CD6: variants seen among roughly 807,000 people sequenced by gnomAD.
CD6 encodes the protein CD6 molecule.
CD6 carries 53 observed loss-of-function variants against 75.3 expected under a neutral mutation model. That is an observed-to-expected ratio of 0.70 (90% CI 0.56 to 0.88). The LOEUF is 0.88. Ranked by LOEUF, CD6 falls within the 40% of genes least tolerant of loss-of-function variation. The pLI, the probability that CD6 is intolerant of heterozygous loss-of-function variation, is 0.00. For synonymous variants in CD6, 359 were observed against 381.5 expected (o/e 0.94, Z 0.69); for missense variants, 770 against 897.1 (o/e 0.86, Z 1.81).
chr11:60,979,300 A>T (rs1253101981), intron 1 of CD6, among the ~76,000 whole-genome samples: 1 of 152,178 alleles, frequency 6.6e-6, no homozygotes, highest in Non-Finnish European at 1.5e-5. Context: ...TCTTAGCAAC[A>T]GATGGGGTCA....
In CD6 at chr11:61,019,236, G is replaced by T; in HGVS notation, c.1943-18G>T. 1.2e-6 allele frequency: 2 copies of T among 1,606,544 alleles called. No individual in the cohort carries two copies. Among genetic ancestry groups the T allele is most frequent in the Non-Finnish European group, 1.7e-6 (2 of 1,176,084 alleles). On this transcript the variant is annotated intron_variant, in intron 12 of 12. Coordinates refer to ENST00000313421, the MANE Select transcript of CD6 (RefSeq NM_006725.5). ...CAATGACTGGGTCTCCCACTAATCT[G>T]GGCCTCTCTGCCCACAGGGTCCCCC...
intron 12 of CD6, chr11:61,019,001 T>G: frequency 2.4e-6 from 1 of 420,932 alleles, no homozygotes; most frequent in South Asian, 7.9e-5. Context: ...GCAGAGGGGC[T>G]TCCAACATTC....
chr11:60,980,822 A>G (rs1857532858), intron 1 of CD6, among the ~76,000 whole-genome samples: 1 of 152,166 alleles, frequency 6.6e-6, no homozygotes, highest in Non-Finnish European at 1.5e-5. Context: ...CCTATGCAAC[A>G]GAGTGAGACT....
intron 8 of CD6, among the ~76,000 whole-genome samples, chr11:61,014,734 CAAA>C (rs553540779): frequency 1.9e-5 from 2 of 104,656 alleles, no homozygotes; most frequent in African/African-American, 3.6e-5. Context: ...GACTCTGTCT[CAAA>C]AAAAAAAAAA....
chr11:60,980,658 G>A (rs1433723879), intron 1 of CD6, among the ~76,000 whole-genome samples: 1 of 152,200 alleles, frequency 6.6e-6, no homozygotes, highest in Non-Finnish European at 1.5e-5. Flanking sequence ...GCGAAACCCC[G>A]TCCCTAGTAA....
intron 6 of CD6, among the ~76,000 whole-genome samples, chr11:61,012,572 A>G (rs1194602429): frequency 6.6e-6 from 1 of 152,154 alleles, no homozygotes; most frequent in East Asian, 1.9e-4. Context: ...GCCCCCAGCA[A>G]AGAGGTCTGG....
At chr11:61,008,269 C>T in intron 3 of CD6, 1 of 503,524 alleles carries the variant, frequency 2.0e-6, no homozygotes, top group Non-Finnish European at 3.5e-6. Context: ...ATGCCAGGTT[C>T]ACAGGGTCCC....
At chr11:60,973,976 T>C (rs554752974) in intron 1 of CD6, among the ~76,000 whole-genome samples, 5 of 152,146 alleles carry the variant, frequency 3.3e-5, no homozygotes, top group African/African-American at 1.2e-4. Context: ...TCTTCCTCTG[T>C]GTCCAGCTCA....
Position 61,007,909 on chromosome 11 carries a change from A to G in CD6, c.468A>G (p.Ala156=). The change falls in exon 3 of 13, where the codon GCA becomes GCG. Residue 156 remains alanine (A), a splice_region_variant and synonymous_variant. Coordinates refer to ENST00000313421, the MANE Select transcript of CD6 (RefSeq NM_006725.5). This position sits in a 1 kb window ranked among gnomAD's most constrained non-coding sequence, Gnocchi z 4.2. ...SDGRRARVTC[A]ENRALRLVDG... ...GGAGGCGGGCCCGTGTCACCTGTGC[A>G]GGTACGAGCGCACCCCCTACACGGG... The G allele has an allele frequency of 7.5e-7, 1 of 1,340,252 alleles. No individual in the cohort carries two copies. The highest frequency in any genetic ancestry group is 9.5e-7 in the Non-Finnish European group (1 of 1,048,994). The allele number at this position is 1,340,252 out of a possible 1,614,324, so 83.0% of individuals were successfully genotyped here. A position where few individuals can be genotyped will look rare whatever the true frequency, so the allele number is the denominator to read the frequency against.
intron 1 of CD6, among the ~76,000 whole-genome samples, chr11:60,974,587 G>A (rs760436828): frequency 1.3e-5 from 2 of 152,174 alleles, no homozygotes; most frequent in Non-Finnish European, 2.9e-5. Context: ...CCTATCTCCT[G>A]GGCCTCTGCC....
In CD6 at chr11:61,006,838, A is replaced by G. The variant is rs74980262; in HGVS notation, c.118+196A>G. 5.9e-5 allele frequency among the ~76,000 whole-genome samples: 9 copies of G among 152,234 alleles called. No homozygotes were observed. In the East Asian group the frequency reaches 1.4e-3, roughly 23 times the overall value. On this transcript the variant is annotated intron_variant, in intron 2 of 12. Transcript: ENST00000313421. Reference sequence around the variant, plus strand: ...GTAGAACTACCATTTTTGAGAGGACACTGATAAGTCACATACAGGTGGGCA... The same window carrying G: ...GTAGAACTACCATTTTTGAGAGGACGCTGATAAGTCACATACAGGTGGGCA...
Position 61,008,686 on chromosome 11 carries a change from G to A in CD6, c.622G>A (p.Val208Ile), listed in dbSNP as rs1858995440. Residue 208 changes from valine to isoleucine, a missense_variant, in exon 4 of 13, where the codon GTC becomes ATC. Coordinates refer to ENST00000313421, the MANE Select transcript of CD6 (RefSeq NM_006725.5). ...CAGGCAACTGGGCTGCGGCTGGGCA[G>A]TCCAGGCCCTGCCCGGCTTGCACTT... is the stretch of plus-strand genomic sequence containing the variant. ...VCRQLGCGWA[V>I]QALPGLHFTP... 6.2e-7 allele frequency: 1 copy of A among 1,608,012 alleles called. No individual in the cohort carries two copies. The highest frequency in any genetic ancestry group is 8.5e-7 in the Non-Finnish European group (1 of 1,177,854).
intron 1 of CD6, among the ~76,000 whole-genome samples, chr11:60,972,480 C>A (rs1466469458): frequency 6.6e-6 from 1 of 152,214 alleles, no homozygotes. Flanking sequence ...CCCCACGTCT[C>A]AAGCTGCCCC....
Position 61,011,073 on chromosome 11 carries a change from C to T in CD6, c.1088C>T (p.Ser363Phe). The change falls in exon 6 of 13, where the codon TCC (serine) becomes TTC (phenylalanine). Residue 363 changes from serine (S) to phenylalanine (F), a missense_variant. Transcript: ENST00000313421. ...SLAARVLCSA[S>F]RSLHNLSTPE... Reference sequence around the variant, plus strand: ...ACTGGGCGGTGCTTTCTGACAGCTTCCCGGAGTTTGCACAATCTGTCCACT... The same window carrying T: ...ACTGGGCGGTGCTTTCTGACAGCTTTCCGGAGTTTGCACAATCTGTCCACT... 6.2e-7 allele frequency: 1 copy of T among 1,614,052 alleles called. No homozygotes were observed. The highest frequency in any genetic ancestry group is 8.5e-7 in the Non-Finnish European group (1 of 1,179,956).
chr11:61,001,867 G>A (rs1858601070), intron 1 of CD6, among the ~76,000 whole-genome samples: 2 of 152,168 alleles, frequency 1.3e-5, no homozygotes, highest in African/African-American at 2.4e-5. Flanking sequence ...AGCAAAGGCC[G>A]GGTCCTTCTA....
chr11:61,018,793 C>T (rs1859546538), intron 12 of CD6: 1 of 257,968 alleles, frequency 3.9e-6, no homozygotes. Flanking sequence ...GTATCATGCC[C>T]CTGCAGGGTC....
intron 1 of CD6, among the ~76,000 whole-genome samples, chr11:60,984,683 C>A (rs1857730019): frequency 1.3e-5 from 2 of 152,180 alleles, no homozygotes; most frequent in Admixed American, 1.3e-4. Flanking sequence ...CAAGGGAAAT[C>A]AGGCAAAGTA....
chr11:60,978,664 CAG>C (rs1482820628), intron 1 of CD6, among the ~76,000 whole-genome samples: 4 of 152,194 alleles, frequency 2.6e-5, no homozygotes, highest in Non-Finnish European at 5.9e-5. Flanking sequence ...CTGTACGCAG[CAG>C]AGACCCAGCC....
rs570903399 is a variant in CD6 at position 61,020,204 on chromosome 11, T to G, written c.*886T>G. 1.5e-5 allele frequency: 6 copies of G among 398,784 alleles called. No individual in the cohort carries two copies. The highest frequency in any genetic ancestry group is 1.2e-4 in the African/African-American group (6 of 48,752). 24.7% of individuals were successfully genotyped at this position (398,784 alleles called of 1,614,324 possible). A position where few individuals can be genotyped will look rare whatever the true frequency, so the allele number is the denominator to read the frequency against. ...AGCTGCACTAGGCCCCGAGTCCCCA[T>G]GTGTCTCCTTGAATTGATGAGGATG... is the stretch of plus-strand genomic sequence containing the variant. On this transcript the variant is annotated 3_prime_UTR_variant, in exon 13 of 13. Transcript: ENST00000313421.
Sources: allele counts gnomAD v4.1 joint callset (sites outside exome capture counted in the v4.1 genomes callset), GRCh38; gene constraint gnomAD v4.1.1; non-coding constraint Gnocchi (gnomAD v3.1); transcripts MANE v1.5; gene names NCBI Gene and HGNC (gene_info 2026-07-23, HGNC 2026-07-21).